Variants in SHANK2 observed in about 807,000 individuals in gnomAD.
The protein encoded by SHANK2 is SH3 and multiple ankyrin repeat domains 2, also known as SH3 and multiple ankyrin repeat domains protein 2.
Under a neutral mutation model 133.7 loss-of-function variants are expected in SHANK2, and 43 were observed. The observed-to-expected ratio is 0.32, with a 90% CI of 0.25 to 0.41. The LOEUF (loss-of-function observed/expected upper bound fraction) is 0.41. SHANK2 is among the 10% of genes least tolerant of loss of function. SHANK2 has a pLI of 1.00. For missense variants in SHANK2, 1,994 were observed against 2,235.8 expected (o/e 0.89, Z 2.18); for synonymous variants, 1,017 against 952.8 (o/e 1.07, Z -1.24).
Position 71,092,545 on chromosome 11 carries a change from G to T in SHANK2, c.789C>A (p.Tyr263Ter). 6.4e-7 allele frequency: 1 copy of T among 1,551,936 alleles called. No homozygotes were observed. Among genetic ancestry groups the T allele is most frequent in the Non-Finnish European group, 8.7e-7 (1 of 1,147,044 alleles). ...LGASPDYKDS[Y>*]GLTPLYHTAI... is the part of the protein sequence containing the mutation. ...CTGTGTGATACAGCGGGGTGAGGCC[G>T]TAACTGTCTTTATAATCTGGGGATG... The change falls in exon 8 of 26, where the codon TAC becomes TAA. Residue 263 changes from tyrosine (Y) to a stop codon, truncating the protein, a stop_gained. Transcript: ENST00000601538. LOFTEE classifies it high-confidence loss of function.
chr11:70,847,246 G>A (rs776808739), intron 11 of SHANK2, among the ~76,000 whole-genome samples: 3 of 152,164 alleles, frequency 2.0e-5, no homozygotes, highest in African/African-American at 7.2e-5. Context: ...GGCACCCCGC[G>A]GGAGGCCGTC....
intron 3 of SHANK2, among the ~76,000 whole-genome samples, chr11:71,131,231 A>C (rs1284829470): frequency 1.3e-5 from 2 of 152,248 alleles, no homozygotes; most frequent in African/African-American, 4.8e-5. Context: ...ACAGAGGCCC[A>C]TTGGGCTGGT....
intron 20 of SHANK2, among the ~76,000 whole-genome samples, chr11:70,501,446 G>A (rs559377589): frequency 7.9e-5 from 12 of 152,350 alleles, no homozygotes; most frequent in African/African-American, 2.4e-4. Flanking sequence ...GCGGGGGCTC[G>A]TTTCTGCGCC....
intron 14 of SHANK2, among the ~76,000 whole-genome samples, chr11:70,792,297 A>C (rs1177945389): frequency 7.2e-5 from 1 of 13,962 alleles, no homozygotes; most frequent in Non-Finnish European, 3.3e-4. Context: ...GCAATCAATC[A>C]ACCAACCAAC....
intron 17 of SHANK2, among the ~76,000 whole-genome samples, chr11:70,570,259 G>A (rs1342019988): frequency 1.3e-5 from 2 of 152,186 alleles, no homozygotes; most frequent in Non-Finnish European, 2.9e-5. Context: ...TAGATCTGCC[G>A]GGTTTACAAG....
At chr11:71,073,142 C>CTTTTATTTTTTTTTT in intron 9 of SHANK2, among the ~76,000 whole-genome samples, 1 of 41,134 alleles carries the variant, frequency 2.4e-5, no homozygotes, top group East Asian at 6.8e-4. Context: ...TTTTCTTTTT[C>CTTTTATTTTTTTTTT]TTTTCTTTTT....
intron 17 of SHANK2, among the ~76,000 whole-genome samples, chr11:70,636,736 A>C (rs12806821): frequency 6.9e-6 from 1 of 144,420 alleles, no homozygotes; most frequent in Admixed American, 6.8e-5. Flanking sequence ...TGATGTGTGA[A>C]TATGTGTGAG....
chr11:71,056,028 C>A (rs1473122914), intron 10 of SHANK2, among the ~76,000 whole-genome samples: 11 of 152,134 alleles, frequency 7.2e-5, no homozygotes, highest in Non-Finnish European at 8.8e-5. Flanking sequence ...CCACAGAACA[C>A]CCTGGCCCAT....
At chr11:70,919,202 T>C (rs1330228907) in intron 10 of SHANK2, among the ~76,000 whole-genome samples, 2 of 152,018 alleles carry the variant, frequency 1.3e-5, no homozygotes, top group South Asian at 2.1e-4. Context: ...GAAACATGCA[T>C]ACAATGTGCA....
At chr11:70,638,581 C>A (rs1380677411) in intron 17 of SHANK2, among the ~76,000 whole-genome samples, 1 of 152,224 alleles carries the variant, frequency 6.6e-6, no homozygotes, top group Non-Finnish European at 1.5e-5. Context: ...GGAAAATCCG[C>A]GGTGGCCGAG....
At chr11:71,089,506 G>A (rs951010477) in intron 8 of SHANK2, among the ~76,000 whole-genome samples, 143,792 of 151,878 alleles carry the variant, frequency 0.95, 68,115 homozygotes, top group Non-Finnish European at 0.96. Flanking sequence ...TTCCCCCCAC[G>A]GGAACACCAG....
intron 11 of SHANK2, among the ~76,000 whole-genome samples, chr11:70,824,283 G>T (rs1948603850): frequency 1.3e-5 from 2 of 152,114 alleles, no homozygotes; most frequent in Admixed American, 6.5e-5. Flanking sequence ...TGGATACTTG[G>T]ACTTGACACA....
intron 17 of SHANK2, among the ~76,000 whole-genome samples, chr11:70,623,162 C>A (rs868909281): frequency 6.6e-6 from 1 of 151,526 alleles, no homozygotes; most frequent in East Asian, 1.9e-4. Flanking sequence ...AGTGACAGAG[C>A]GAGATTTCGT....
At chr11:70,624,043 G>C (rs994459650) in intron 17 of SHANK2, among the ~76,000 whole-genome samples, 2 of 152,112 alleles carry the variant, frequency 1.3e-5, no homozygotes, top group Non-Finnish European at 2.9e-5. Context: ...GGGCACCTTC[G>C]TCCCTGTGCA....
intron 8 of SHANK2, among the ~76,000 whole-genome samples, chr11:71,085,826 A>AT (rs1433467035): frequency 0.013 from 1 of 78 alleles, no homozygotes; most frequent in African/African-American, 0.026. Flanking sequence ...TATATTATAT[A>AT]ATAATATTAT....
Position 71,094,645 on chromosome 11 carries a change from C to T in SHANK2, c.636G>A (p.Glu212=). The T allele has an allele frequency of 1.9e-6, 3 of 1,551,814 alleles. No homozygotes were observed. The highest frequency in any genetic ancestry group is 2.6e-6 in the Non-Finnish European group (3 of 1,147,010). The part of the protein sequence containing the change: ...TLAAQLDDSV[E]VIKALKNGGA... ...CACCATTTTTGAGAGCTTTGATGAC[C>T]TCCACAGAGTCGTCCAGCTGAGCGG... is the stretch of plus-strand genomic sequence containing the variant. The change falls in exon 7 of 26, where the codon GAG becomes GAA. Residue 212 remains glutamate, a synonymous_variant. Transcript: ENST00000601538.
intron 11 of SHANK2, among the ~76,000 whole-genome samples, chr11:70,838,108 G>A (rs562704781): frequency 2.6e-5 from 4 of 151,710 alleles, no homozygotes; most frequent in South Asian, 4.2e-4. Context: ...TTGCCTCACC[G>A]TGTGAAATGT....
chr11:70,919,601 C>T (rs529246747), intron 10 of SHANK2, among the ~76,000 whole-genome samples: 97 of 152,244 alleles, frequency 6.4e-4, no homozygotes, highest in African/African-American at 2.2e-3. Context: ...AGGCTGGTCT[C>T]GAACTCCTGA....
intron 1 of SHANK2, among the ~76,000 whole-genome samples, chr11:71,245,639 G>A (rs1342019675): frequency 6.6e-6 from 1 of 152,234 alleles, no homozygotes; most frequent in Non-Finnish European, 1.5e-5. Context: ...CAGCCGCCAG[G>A]TGTGGATCCC....
Sources: allele counts gnomAD v4.1 joint callset (sites outside exome capture counted in the v4.1 genomes callset), GRCh38; gene constraint gnomAD v4.1.1; transcripts MANE v1.5; gene names NCBI Gene and HGNC (gene_info 2026-07-23, HGNC 2026-07-21).